The following CUEDC1 variants were observed in gnomAD, a reference collection of about 807,000 sequenced individuals.
The protein encoded by CUEDC1 is CUE domain-containing protein 1.
A neutral mutation model predicts 43.7 loss-of-function variants in CUEDC1; 30 were observed. The ratio of observed to expected loss-of-function variants is 0.69; its 90% CI spans 0.51 to 0.93. The LOEUF (loss-of-function observed/expected upper bound fraction) is 0.93. CUEDC1 is among the 40% of genes least tolerant of loss of function. CUEDC1 has a pLI of 0.00. For missense variants in CUEDC1, 486 were observed against 549.0 expected (o/e 0.89, Z 1.15); for synonymous variants, 223 against 223.6 (o/e 1.00, Z 0.02).
intron 1 of CUEDC1, among the ~76,000 whole-genome samples, chr17:57,889,436 G>T (rs938156272): frequency 7.2e-5 from 11 of 152,300 alleles, no homozygotes; most frequent in Non-Finnish European, 1.2e-4. Flanking sequence ...GGCTGGCCTG[G>T]GCAACTGGAG....
chr17:57,908,258 T>G (rs777626771), intron 1 of CUEDC1, among the ~76,000 whole-genome samples: 12 of 152,216 alleles, frequency 7.9e-5, no homozygotes, highest in Admixed American at 3.3e-4. Context: ...GGTTTTGTCA[T>G]GTTGGCCAGG....
At chr17:57,913,549 A>G (rs2074606595) in intron 1 of CUEDC1, among the ~76,000 whole-genome samples, 1 of 152,072 alleles carries the variant, frequency 6.6e-6, no homozygotes, top group Non-Finnish European at 1.5e-5. Context: ...CCCCATCCCC[A>G]AGATCCCAAG....
intron 1 of CUEDC1, among the ~76,000 whole-genome samples, chr17:57,913,243 G>A (rs757716662): frequency 3.3e-5 from 5 of 151,678 alleles, no homozygotes; most frequent in South Asian, 2.1e-4. Flanking sequence ...CAGGAGAATC[G>A]CTTGAATCCC....
intron 1 of CUEDC1, among the ~76,000 whole-genome samples, chr17:57,929,320 C>G (rs370948537): frequency 5.3e-5 from 8 of 152,104 alleles, no homozygotes; most frequent in Non-Finnish European, 1.2e-4. Context: ...GGTTAAACAG[C>G]CGCCCAAGAA....
chr17:57,877,597 G>C (rs9899232), intron 3 of CUEDC1, among the ~76,000 whole-genome samples: 1 of 147,826 alleles, frequency 6.8e-6, no homozygotes, highest in African/African-American at 2.5e-5. Flanking sequence ...AAAAAAAGGT[G>C]GGGGTGGGGA....
intron 1 of CUEDC1, among the ~76,000 whole-genome samples, chr17:57,928,634 G>A (rs1004085781): frequency 8.6e-5 from 13 of 151,370 alleles, no homozygotes; most frequent in Admixed American, 2.6e-4. Context: ...CAGATCTTCC[G>A]ATTTGAGTCC....
intron 1 of CUEDC1, among the ~76,000 whole-genome samples, chr17:57,924,232 A>C (rs2074724389): frequency 6.6e-6 from 1 of 152,108 alleles, no homozygotes; most frequent in African/African-American, 2.4e-5. Context: ...CAGCCTCCCA[A>C]GTAGCTGGGA....
rs559519608 is a variant in CUEDC1 at position 57,865,827 on chromosome 17, T to C, written c.*3+647A>G. On this transcript the variant is annotated intron_variant, in intron 10 of 10. Coordinates refer to ENST00000577830, the MANE Select transcript of CUEDC1 (RefSeq NM_001271875.2). ...ACCACCTCAGTTTTTCTTTTTCTTT[T>C]TTTTTTTTTTTTGAGATGAAGTTTC... Among the ~76,000 whole-genome samples the C allele has an allele frequency of 2.8e-3, 425 of 149,904 alleles. 3 individuals carry two copies. The highest frequency in any genetic ancestry group is 9.9e-3 in the African/African-American group (403 of 40,734).
intron 1 of CUEDC1, among the ~76,000 whole-genome samples, chr17:57,952,527 T>G (rs1214588635): frequency 2.6e-5 from 4 of 152,076 alleles, no homozygotes; most frequent in African/African-American, 9.7e-5. Flanking sequence ...GCATCCGGCC[T>G]CCAATGCCCT....
chr17:57,913,728 C>T (rs959154783), intron 1 of CUEDC1, among the ~76,000 whole-genome samples: 5 of 152,106 alleles, frequency 3.3e-5, no homozygotes, highest in African/African-American at 1.2e-4. Context: ...CTGAACTGAC[C>T]AGTCCTCCAG....
intron 3 of CUEDC1, among the ~76,000 whole-genome samples, chr17:57,875,367 G>A (rs115641897): frequency 0.026 from 4,010 of 152,258 alleles, 139 homozygotes; most frequent in African/African-American, 0.084. Flanking sequence ...GTGGAGAAGG[G>A]CACAAGGTGG....
chr17:57,873,967 C>T (rs1035920067), intron 3 of CUEDC1, among the ~76,000 whole-genome samples: 7 of 152,248 alleles, frequency 4.6e-5, no homozygotes, highest in African/African-American at 1.7e-4. Context: ...ACCTACAGAG[C>T]TGTCTGTCCA....
intron 1 of CUEDC1, among the ~76,000 whole-genome samples, chr17:57,888,257 T>C (rs1454394654): frequency 6.6e-6 from 1 of 152,226 alleles, no homozygotes; most frequent in African/African-American, 2.4e-5. Context: ...TAAAATGTAA[T>C]CAAACCATAA....
At chr17:57,898,060 C>T (rs931859224) in intron 1 of CUEDC1, among the ~76,000 whole-genome samples, 1 of 152,136 alleles carries the variant, frequency 6.6e-6, no homozygotes, top group Middle Eastern at 3.2e-3. Context: ...AGAAAGCAAA[C>T]CCCAGAGCCT....
chr17:57,936,186 C>T (rs1357344397), intron 1 of CUEDC1, among the ~76,000 whole-genome samples: 2 of 152,230 alleles, frequency 1.3e-5, no homozygotes, highest in Middle Eastern at 3.4e-3. Flanking sequence ...GCCTTGTGAC[C>T]CAAGGACAAA....
intron 1 of CUEDC1, among the ~76,000 whole-genome samples, chr17:57,944,210 ATTT>A (rs60055226): frequency 1.1e-4 from 16 of 139,816 alleles, no homozygotes; most frequent in African/African-American, 4.2e-4. Flanking sequence ...ATATATATAT[ATTT>A]TTTTTTTTTT....
At chr17:57,881,238 C>T (rs572415205) in intron 2 of CUEDC1, among the ~76,000 whole-genome samples, 2 of 152,350 alleles carry the variant, frequency 1.3e-5, no homozygotes, top group South Asian at 4.1e-4. Context: ...TCTGCGCTTA[C>T]ATAGCTAGCT....
At chr17:57,953,730 G>T (rs774202412) in intron 1 of CUEDC1, among the ~76,000 whole-genome samples, 1 of 152,196 alleles carries the variant, frequency 6.6e-6, no homozygotes, top group South Asian at 2.1e-4. Flanking sequence ...TGGGGATACA[G>T]CCCTAGTCAT....
intron 1 of CUEDC1, 124 bp from the exon 2 acceptor site, chr17:57,886,003 G>C (rs1381896347): frequency 6.4e-6 from 1 of 157,122 alleles, no homozygotes; most frequent in African/African-American, 2.4e-5. Flanking sequence ...AGGGAGGCTT[G>C]CTTCTTCCTC....
Sources: gnomAD v4.1 joint callset for allele counts (sites outside exome capture counted in the v4.1 genomes callset) on GRCh38, gnomAD v4.1.1 for gene constraint, MANE v1.5 for transcripts, NCBI Gene and HGNC (gene_info 2026-07-23, HGNC 2026-07-21) for gene names.